The following USP36 variants were observed in gnomAD, a reference collection of about 807,000 sequenced individuals.
USP36 encodes ubiquitin carboxyl-terminal hydrolase 36.
USP36 carries 59 observed loss-of-function variants against 111.5 expected under a neutral mutation model. The ratio of observed to expected loss-of-function variants is 0.53; its 90% CI spans 0.43 to 0.66. The LOEUF (loss-of-function observed/expected upper bound fraction) is 0.66. USP36 is among the 30% of genes least tolerant of loss of function. The pLI is 0.00. For synonymous variants in USP36, 628 were observed against 581.0 expected, an observed-to-expected ratio of 1.08 and a Z score of -1.16; for missense variants, 1,488 against 1,468.0, an observed-to-expected ratio of 1.01 and a Z score of -0.22.
intron 1 of USP36, among the ~76,000 whole-genome samples, chr17:78,839,976 C>T (rs912080657): frequency 1.3e-5 from 2 of 152,230 alleles, no homozygotes; most frequent in Non-Finnish European, 2.9e-5. Context: ...GGATGAACTG[C>T]AACGGACGCT....
chr17:78,831,225 C>CAAAAAAAAAA (rs33980218), intron 4 of USP36, among the ~76,000 whole-genome samples: 9 of 13,530 alleles, frequency 6.7e-4, no homozygotes, highest in African/African-American at 3.1e-3. Flanking sequence ...AACTCCATCT[C>CAAAAAAAAAA]AAAAAAAAAA....
At chr17:78,827,444 G>T in intron 5 of USP36, 97 bp from the exon 6 acceptor site, 1 of 1,125,100 alleles carries the variant, frequency 8.9e-7, no homozygotes. Context: ...TGTTATAAGG[G>T]GAAAATACTG....
Position 78,798,115 on chromosome 17 carries a change from C to T in USP36, c.*21-236G>A. ...GTGACCAGAACACATGCCACAGATG[C>T]CAGGTGTACACACCCCACACCCAAC... is the stretch of plus-strand genomic sequence containing the variant. On this transcript the variant is annotated intron_variant, in intron 20 of 20. Transcript: ENST00000449938. This position sits in a 1 kb window ranked among gnomAD's most constrained non-coding sequence, Gnocchi z 5.1. The T allele has an allele frequency of 2.5e-6, 1 of 393,216 alleles. No individual in the cohort carries two copies. Among genetic ancestry groups the T allele is most frequent in the Non-Finnish European group, 4.7e-6 (1 of 213,654 alleles). The allele number at this position is 393,216 out of a possible 1,614,324, so 24.4% of individuals were successfully genotyped here.
At position 78,806,984 on chromosome 17, in the gene USP36, T is replaced by TA. The variant is rs1395769750; in HGVS notation, c.2059_2060insT (p.Lys687IlefsTer20). 7 of 1,614,172 alleles carry TA rather than the reference T, an allele frequency of 4.3e-6. No individual in the cohort carries two copies. Among genetic ancestry groups the TA allele is most frequent in the Non-Finnish European group, 5.9e-6 (7 of 1,179,984 alleles). The stretch of plus-strand genomic sequence containing the variant: ...CTTCTTGGCAGAAAGGGCCAGTTTT[T>TA]TGGCTGGTGGAGGAGACATGGTGCT... On this transcript the variant is annotated frameshift_variant, in exon 14 of 21. Coordinates refer to ENST00000449938, the MANE Select transcript of USP36 (RefSeq NM_001385174.1). LOFTEE classifies it high-confidence loss of function.
chr17:78,798,288 A>G lies in USP36; in HGVS notation c.*20+112T>C. Reference sequence around the variant, plus strand: ...ACACCACCCAACACACATGTGCCAGATACACAGCCCACATACATCATACAC... The same window carrying G: ...ACACCACCCAACACACATGTGCCAGGTACACAGCCCACATACATCATACAC... On this transcript the variant is annotated intron_variant, in intron 20 of 20. Transcript: ENST00000449938. This position sits in a 1 kb window ranked among gnomAD's most constrained non-coding sequence, Gnocchi z 5.1. 7.2e-7 allele frequency: 1 copy of G among 1,397,346 alleles called. No homozygotes were observed. Among genetic ancestry groups the G allele is most frequent in the Non-Finnish European group, 9.7e-7 (1 of 1,035,014 alleles). The allele number at this position is 1,397,346 out of a possible 1,614,324, so 86.6% of individuals were successfully genotyped here.
intron 4 of USP36, among the ~76,000 whole-genome samples, chr17:78,830,005 C>T (rs1017583906): frequency 4.6e-5 from 7 of 152,226 alleles, no homozygotes; most frequent in African/African-American, 1.4e-4. Context: ...TCCCAAAGTG[C>T]TGGGATTACA....
rs1043770158 is a variant in USP36 at position 78,798,367 on chromosome 17, C to T, written c.*20+33G>A. 2.5e-6 allele frequency: 4 copies of T among 1,610,302 alleles called. No homozygotes were observed. Among genetic ancestry groups the T allele is most frequent in the Non-Finnish European group, 2.5e-6 (3 of 1,179,120 alleles). ...CACATACACGGCACACACACCCCCA[C>T]CTCACCCTTACACCCACCCCCTCGG... On this transcript the variant is annotated intron_variant, in intron 20 of 20. Coordinates refer to ENST00000449938, the MANE Select transcript of USP36 (RefSeq NM_001385174.1). The surrounding 1 kb of genome is among the most constrained non-coding windows in gnomAD (Gnocchi z 5.1).
Position 78,803,468 on chromosome 17 carries a change from G to A in USP36, c.2727C>T (p.His909=), listed in dbSNP as rs537842306. The change falls in exon 16 of 21, where the codon CAC becomes CAT. Residue 909 remains histidine, a synonymous_variant. Transcript: ENST00000449938. The surrounding 1 kb of genome is among the most constrained non-coding windows in gnomAD (Gnocchi z 4.6). The part of the protein sequence containing the change: ...QQVGCVTDGH[H]ASSRKRRRKG... ...TCCTCCTCCGCTTCCTGCTGCTCGC[G>A]TGGTGGCCGTCCGTAACACATCCCA... The A allele has an allele frequency of 1.5e-5, 25 of 1,613,876 alleles. No individual in the cohort carries two copies. Among genetic ancestry groups the A allele is most frequent in the Admixed American group, 1.5e-4 (9 of 59,972 alleles).
intron 17 of USP36, 94 bp from the exon 18 acceptor site, chr17:78,799,862 T>A: frequency 3.6e-6 from 2 of 547,996 alleles, no homozygotes; most frequent in South Asian, 2.9e-5. Context: ...CAACTTACAG[T>A]AAGTGGATGC....
At position 78,812,943 on chromosome 17, in the gene USP36, GGGA is replaced by G. The variant is rs752877841; in HGVS notation, c.1321_1323del (p.Ser441del). 1 of 1,613,990 alleles carries G rather than the reference GGGA, an allele frequency of 6.2e-7. No homozygotes were observed. Among genetic ancestry groups the G allele is most frequent in the African/African-American group, 1.3e-5 (1 of 74,898 alleles). ...GGAATCACACTCGGGCGGCCGGGAA[GGGA>G]GGAGGAGCCTGTCCTGGAGATGAGG... On this transcript the variant is annotated inframe_deletion, in exon 13 of 21. Transcript: ENST00000449938.
At chr17:78,834,639 C>T (rs757241345) in intron 4 of USP36, among the ~76,000 whole-genome samples, 47 of 152,076 alleles carry the variant, frequency 3.1e-4, no homozygotes, top group Non-Finnish European at 6.0e-4. Context: ...AACCGGGTTT[C>T]GCCATGTTGG....
Position 78,803,974 on chromosome 17 carries a change from C to A in USP36, c.2221G>T (p.Val741Leu). Residue 741 changes from valine to leucine, a missense_variant, in exon 16 of 21, where the codon GTG (valine) becomes TTG (leucine). Transcript: ENST00000449938. The surrounding 1 kb of genome is among the most constrained non-coding windows in gnomAD (Gnocchi z 4.6). ...CTGGATGATTGGGGAGCAGGTGACA[C>A]AGCCCTGTGGGGACAGCCAGGAAAC... is the stretch of plus-strand genomic sequence containing the variant. ...STWPVHRARA[V>L]SPAPQSSSRL... 1 of 1,590,636 alleles carries A rather than the reference C, an allele frequency of 6.3e-7. No individual in the cohort carries two copies. The highest frequency in any genetic ancestry group is 1.1e-5 in the South Asian group (1 of 89,164).
intron 6 of USP36, chr17:78,826,466 G>C (rs924949888): frequency 4.6e-5 from 7 of 152,342 alleles, no homozygotes; most frequent in African/African-American, 1.7e-4. Flanking sequence ...TTTTCTTTCT[G>C]TAAGTCTTAT....
At chr17:78,813,356 G>C (rs925271477) in intron 12 of USP36, among the ~76,000 whole-genome samples, 8 of 152,190 alleles carry the variant, frequency 5.3e-5, no homozygotes, top group African/African-American at 1.9e-4. Context: ...CTCCAGGTCA[G>C]TGACAGCCAG....
At chr17:78,818,556 AG>A in intron 10 of USP36, 110 bp downstream of exon 10, 1 of 892,958 alleles carries the variant, frequency 1.1e-6, no homozygotes, top group East Asian at 2.5e-5. Flanking sequence ...GAACAGGGAC[AG>A]GTACTGTGTA....
At chr17:78,795,457 G>A (rs1010514124), downstream of USP36, among the ~76,000 whole-genome samples, 13 of 152,296 alleles carry the variant, frequency 8.5e-5, no homozygotes, top group Admixed American at 5.9e-4. The surrounding 1 kb of genome is among the most constrained non-coding windows in gnomAD (Gnocchi z 4.5). Flanking sequence ...CCTGCGCCCC[G>A]GGGTTCATTC....
At chr17:78,804,510 A>G (rs1309088331) in intron 15 of USP36, among the ~76,000 whole-genome samples, 4 of 134,070 alleles carry the variant, frequency 3.0e-5, no homozygotes, top group African/African-American at 8.2e-5. Flanking sequence ...AAAAAAAAAC[A>G]AAGTTACCTA....
chr17:78,811,130 CAAAAAAAAAAAAA>C lies in USP36; in HGVS notation c.1407+1717_1407+1729del, dbSNP rs969048033. On this transcript the variant is annotated intron_variant, in intron 13 of 20. Transcript: ENST00000449938. ...TCAGTGACAGAGCGAGACTCTGTCT[CAAAAAAAAAAAAA>C]AAAAAAAAAAAAGAAACAGTCATCA... Among the ~76,000 whole-genome samples, 13 of 28,364 alleles carry C rather than the reference CAAAAAAAAAAAAA, an allele frequency of 4.6e-4. 4 individuals are homozygous for C. Among genetic ancestry groups the C allele is most frequent in the Admixed American group, 3.0e-4 (1 of 3,288 alleles). 18.6% of individuals were successfully genotyped at this position (28,364 alleles called of 152,430 possible).
At chr17:78,801,162 G>C (rs1352136008) in intron 17 of USP36, among the ~76,000 whole-genome samples, 1 of 151,888 alleles carries the variant, frequency 6.6e-6, no homozygotes, top group East Asian at 1.9e-4. Context: ...ATTTTTAGTA[G>C]AGACGGGGTT....
Sources: allele counts gnomAD v4.1 joint callset (sites outside exome capture counted in the v4.1 genomes callset), GRCh38; gene constraint gnomAD v4.1.1; non-coding constraint Gnocchi (gnomAD v3.1); transcripts MANE v1.5; gene names NCBI Gene and HGNC (gene_info 2026-07-23, HGNC 2026-07-21).